Variants in ADAMTS3 observed in about 807,000 individuals in gnomAD.
ADAMTS3 encodes ADAM metallopeptidase with thrombospondin type 1 motif 3, also known as A disintegrin and metalloproteinase with thrombospondin motifs 3.
A neutral mutation model predicts 129.0 loss-of-function variants in ADAMTS3; 73 were observed. The observed-to-expected ratio is 0.57, with a 90% CI of 0.47 to 0.69. The LOEUF is 0.69. ADAMTS3 is among the 30% of genes least tolerant of loss of function. The pLI is 0.00. For synonymous variants in ADAMTS3, 477 were observed against 510.8 expected, an observed-to-expected ratio of 0.93 and a Z score of 0.89; for missense variants, 1,457 against 1,514.5, an observed-to-expected ratio of 0.96 and a Z score of 0.63.
chr4:72,487,543 A>T (rs1719622085), intron 3 of ADAMTS3, among the ~76,000 whole-genome samples: 1 of 152,152 alleles, frequency 6.6e-6, no homozygotes, highest in Non-Finnish European at 1.5e-5. Context: ...GCAATCAGTT[A>T]TACCACTCTG....
intron 4 of ADAMTS3, among the ~76,000 whole-genome samples, chr4:72,413,291 A>C (rs767756437): frequency 5.3e-5 from 8 of 151,968 alleles, no homozygotes; most frequent in Non-Finnish European, 1.2e-4. Context: ...CATGTGGCCT[A>C]TGCGTTCCTA....
At chr4:72,528,052 G>T (rs1370635934) in intron 3 of ADAMTS3, among the ~76,000 whole-genome samples, 1 of 152,092 alleles carries the variant, frequency 6.6e-6, no homozygotes, top group African/African-American at 2.4e-5. Context: ...GGAGAAACAG[G>T]ACATTAAACA....
chr4:72,424,398 A>T (rs925687531), intron 3 of ADAMTS3, among the ~76,000 whole-genome samples: 2 of 152,054 alleles, frequency 1.3e-5, no homozygotes, highest in East Asian at 3.9e-4. Flanking sequence ...GGCGGCAAAA[A>T]ATAAAATTTG....
At chr4:72,288,022 T>C (rs1718556298) in intron 21 of ADAMTS3, among the ~76,000 whole-genome samples, 2 of 152,200 alleles carry the variant, frequency 1.3e-5, no homozygotes, top group South Asian at 2.1e-4. Flanking sequence ...TGCGCCACCA[T>C]GCCCAGCTAA....
At chr4:72,547,205 T>C (rs367786617) in intron 3 of ADAMTS3, among the ~76,000 whole-genome samples, 3 of 152,120 alleles carry the variant, frequency 2.0e-5, no homozygotes, top group African/African-American at 7.2e-5. Flanking sequence ...TTACCTATAA[T>C]TAGGGCAGAC....
intron 4 of ADAMTS3, among the ~76,000 whole-genome samples, chr4:72,374,050 A>C (rs1475476559): frequency 1.3e-5 from 2 of 152,086 alleles, no homozygotes; most frequent in East Asian, 3.9e-4. Context: ...GAATAAGACT[A>C]ATAATTCTCT....
At chr4:72,404,469 A>AT (rs772379805) in intron 4 of ADAMTS3, among the ~76,000 whole-genome samples, 3 of 152,254 alleles carry the variant, frequency 2.0e-5, no homozygotes, top group South Asian at 2.1e-4. Flanking sequence ...AAAGAATGTA[A>AT]TTGAACCCTC....
In ADAMTS3 at chr4:72,298,425, A is replaced by C. The variant is rs767743460; in HGVS notation, c.2442T>G (p.Asn814Lys). 10 of 1,604,806 alleles carry C rather than the reference A, an allele frequency of 6.2e-6. No individual in the cohort carries two copies. The African/African-American group carries it at 1.3e-4, about 21-fold the overall frequency. ...PVIVLIIPQENDTRSSLTYKY... is the reference protein window; with the variant it reads ...PVIVLIIPQEKDTRSSLTYKY... ...TATATGTCAGGCTAGAGCGGGTATC[A>C]TTTTCTTGAGGTATAATCTAACATA... The change falls in exon 18 of 22, where the codon AAT becomes AAG. Residue 814 changes from asparagine to lysine, a missense_variant. Coordinates refer to ENST00000286657, the MANE Select transcript of ADAMTS3 (RefSeq NM_014243.3).
Position 72,318,556 on chromosome 4 carries a change from A to G in ADAMTS3, c.1485+16T>C. The G allele has an allele frequency of 1.2e-6, 2 of 1,611,528 alleles. No homozygotes were observed. Among genetic ancestry groups the G allele is most frequent in the South Asian group, 2.2e-5 (2 of 90,470 alleles). ...ATTTCGAGCTGCAAAATCTACATCA[A>G]CTGTGAGCAACATACCGCGGTGCAC... On this transcript the variant is annotated intron_variant, in intron 10 of 21. Transcript: ENST00000286657.
chr4:72,545,085 T>TTTTG (rs535132882), intron 3 of ADAMTS3, among the ~76,000 whole-genome samples: 20 of 152,246 alleles, frequency 1.3e-4, no homozygotes, highest in African/African-American at 3.6e-4. Context: ...AAACTCTTTT[T>TTTTG]TTTGTTTGTT....
intron 4 of ADAMTS3, among the ~76,000 whole-genome samples, chr4:72,399,652 G>A (rs1721823950): frequency 6.6e-6 from 1 of 151,498 alleles, no homozygotes; most frequent in African/African-American, 2.4e-5. Context: ...TAAGTTTTCA[G>A]GAGGAACTTA....
At chr4:72,480,473 A>T (rs766807292) in intron 3 of ADAMTS3, among the ~76,000 whole-genome samples, 30 of 151,968 alleles carry the variant, frequency 2.0e-4, no homozygotes, top group Non-Finnish European at 3.7e-4. Context: ...CATGTTCTCA[A>T]TCATAGATGG....
chr4:72,341,043 A>G (rs1560479268), intron 4 of ADAMTS3, among the ~76,000 whole-genome samples: 2 of 152,184 alleles, frequency 1.3e-5, no homozygotes, highest in Non-Finnish European at 2.9e-5. Context: ...TCAGCATCTG[A>G]CATTAATAAA....
At chr4:72,365,503 T>C (rs1289663356) in intron 4 of ADAMTS3, among the ~76,000 whole-genome samples, 1 of 152,206 alleles carries the variant, frequency 6.6e-6, no homozygotes, top group Non-Finnish European at 1.5e-5. Context: ...AGGCAAGGAA[T>C]ATGCATTATA....
intron 3 of ADAMTS3, among the ~76,000 whole-genome samples, chr4:72,499,658 A>C (rs788928): frequency 0.87 from 132,489 of 152,050 alleles, 58,759 homozygotes; most frequent in Middle Eastern, 0.97. Context: ...TCGGGAGTAC[A>C]TTTGCAGGTT....
At chr4:72,357,941 C>T (rs1720624157) in intron 4 of ADAMTS3, among the ~76,000 whole-genome samples, 1 of 151,886 alleles carries the variant, frequency 6.6e-6, no homozygotes, top group Non-Finnish European at 1.5e-5. Context: ...TCCAGAAAGA[C>T]ATTATGTAGC....
At position 72,559,755 on chromosome 4, in the gene ADAMTS3, C is replaced by T. The variant is rs548814286; in HGVS notation, c.97+7619G>A. ...GCTATGAAGTAAATAGTAGTATTTTCACAAGACTATGGCAAAGTAATTTAT... is the reference window on the plus strand; with the variant it reads ...GCTATGAAGTAAATAGTAGTATTTTTACAAGACTATGGCAAAGTAATTTAT... On this transcript the variant is annotated intron_variant, in intron 2 of 21. Transcript: ENST00000286657. Among the ~76,000 whole-genome samples the T allele has an allele frequency of 5.4e-4, 82 of 151,910 alleles. 4 individuals are homozygous for T. The highest frequency in any genetic ancestry group is 1.9e-3 in the African/African-American group (79 of 41,230).
At chr4:72,455,884 T>C (rs1316978363) in intron 3 of ADAMTS3, among the ~76,000 whole-genome samples, 1 of 122,472 alleles carries the variant, frequency 8.2e-6, no homozygotes, top group Non-Finnish European at 1.7e-5. Context: ...ATATACTATA[T>C]ATATTTTATA....
At chr4:72,510,627 T>TA (rs532575143) in intron 3 of ADAMTS3, among the ~76,000 whole-genome samples, 1 of 151,350 alleles carries the variant, frequency 6.6e-6, no homozygotes, top group Admixed American at 6.6e-5. Flanking sequence ...CACCAAAACA[T>TA]AAAAAAATGC....
Sources: gnomAD v4.1 joint callset for allele counts (sites outside exome capture counted in the v4.1 genomes callset) on GRCh38, gnomAD v4.1.1 for gene constraint, MANE v1.5 for transcripts, NCBI Gene and HGNC (gene_info 2026-07-23, HGNC 2026-07-21) for gene names.